The following AP1S3 variants were observed in gnomAD, a reference collection of about 807,000 sequenced individuals.
AP1S3 encodes the protein AP-1 complex subunit sigma-3.
A neutral mutation model predicts 20.9 loss-of-function variants in AP1S3; 10 were observed. The ratio of observed to expected loss-of-function variants is 0.48; its 90% CI spans 0.29 to 0.81. AP1S3 has a LOEUF of 0.81. Among genes scored for constraint, AP1S3 ranks in the 30% least tolerant of loss-of-function variants. AP1S3 has a pLI of 0.08. For synonymous variants in AP1S3, 41 were observed against 61.5 expected (o/e 0.67, Z 1.56); for missense variants, 154 against 183.8 (o/e 0.84, Z 0.94).
chr2:223,836,695 C>T (rs998871179), intron 1 of AP1S3, among the ~76,000 whole-genome samples: 1 of 152,224 alleles, frequency 6.6e-6, no homozygotes, highest in South Asian at 2.1e-4. Context: ...CACCACTGCA[C>T]TTCAGCCTGG....
At chr2:223,826,165 T>G (rs189152668) in intron 1 of AP1S3, among the ~76,000 whole-genome samples, 17 of 152,318 alleles carry the variant, frequency 1.1e-4, no homozygotes, top group Admixed American at 1.0e-3. Flanking sequence ...ATATGCTGAT[T>G]GAATTTCTCC....
chr2:223,759,270 C>T (rs1574680732), intron 4 of AP1S3, among the ~76,000 whole-genome samples: 1 of 146,166 alleles, frequency 6.8e-6, no homozygotes, highest in South Asian at 2.1e-4. Context: ...CAGAGTGAGA[C>T]TCCGTCTCAA....
Position 223,755,822 on chromosome 2 carries a change from G to A in AP1S3, c.*2893C>T, listed in dbSNP as rs1690200025. 1.0e-6 allele frequency: 1 copy of A among 985,242 alleles called. No homozygotes were observed. The highest frequency in any genetic ancestry group is 1.2e-6 in the Non-Finnish European group (1 of 829,802). The allele number at this position is 985,242 out of a possible 1,614,324, so 61.0% of individuals were successfully genotyped here. On this transcript the variant is annotated 3_prime_UTR_variant, in exon 5 of 5. Transcript: ENST00000396654. The stretch of plus-strand genomic sequence containing the variant: ...TGGGATTACAGGCGTGAGCCACCTT[G>A]CCCAGAAGAGATATATTTACTTTCT...
intron 3 of AP1S3, among the ~76,000 whole-genome samples, chr2:223,774,470 C>T (rs1278055519): frequency 2.0e-5 from 3 of 151,994 alleles, no homozygotes; most frequent in Non-Finnish European, 2.9e-5. Flanking sequence ...AAAGGTTAAA[C>T]AACAGGCTGG....
At chr2:223,788,364 G>A (rs1691124447) in intron 1 of AP1S3, among the ~76,000 whole-genome samples, 1 of 151,970 alleles carries the variant, frequency 6.6e-6, no homozygotes, top group Non-Finnish European at 1.5e-5. Context: ...TGTAATCCCA[G>A]CACTCTGGGA....
At chr2:223,806,449 A>G (rs149373913) in intron 1 of AP1S3, among the ~76,000 whole-genome samples, 2 of 151,504 alleles carry the variant, frequency 1.3e-5, no homozygotes, top group Non-Finnish European at 2.9e-5. Flanking sequence ...ACGCCCGGCT[A>G]ATTTTTTCAT....
At position 223,756,695 on chromosome 2, in the gene AP1S3, A is replaced by G. The variant is rs1690230678; in HGVS notation, c.*2020T>C. 1.0e-6 allele frequency: 1 copy of G among 985,244 alleles called. No homozygotes were observed. Among genetic ancestry groups the G allele is most frequent in the Admixed American group, 6.2e-5 (1 of 16,256 alleles). The allele number at this position is 985,244 out of a possible 1,614,324, so 61.0% of individuals were successfully genotyped here. A position where few individuals can be genotyped will look rare whatever the true frequency, so the allele number is the denominator to read the frequency against. ...GTTATTTCCTTTGAACAATGGTTAT[A>G]TTGAGGAATTGGTGAATTTTTCCCT... On this transcript the variant is annotated 3_prime_UTR_variant, in exon 5 of 5. Transcript: ENST00000396654.
At position 223,837,161 on chromosome 2, in the gene AP1S3, AGCACCGAGCCCG is replaced by A. The variant is rs533366384; in HGVS notation, c.3+275_3+286del. 1.3e-3 allele frequency among the ~76,000 whole-genome samples: 195 copies of A among 151,448 alleles called. 1 individual carries two copies. The highest frequency in any genetic ancestry group is 6.8e-3 in the Middle Eastern group (2 of 294). ...GTCCCCCGCGACATCCCCAGCGCCC[AGCACCGAGCCCG>A]GCACAGACTAAGCACTCGGCTAAGG... On this transcript the variant is annotated intron_variant, in intron 1 of 4. Coordinates refer to ENST00000396654, the MANE Select transcript of AP1S3 (RefSeq NM_001039569.2).
chr2:223,834,257 T>C (rs1157205471), intron 1 of AP1S3, among the ~76,000 whole-genome samples: 1 of 152,162 alleles, frequency 6.6e-6, no homozygotes, highest in Non-Finnish European at 1.5e-5. Context: ...TTTAAAATAA[T>C]ACGACTTGGG....
At chr2:223,784,767 G>A (rs1488466923) in intron 1 of AP1S3, among the ~76,000 whole-genome samples, 1 of 152,094 alleles carries the variant, frequency 6.6e-6, no homozygotes, top group Non-Finnish European at 1.5e-5. Flanking sequence ...GTGAGTCCGA[G>A]GTGGGAAGAT....
At chr2:223,820,374 C>T (rs1273277700) in intron 1 of AP1S3, among the ~76,000 whole-genome samples, 1 of 151,852 alleles carries the variant, frequency 6.6e-6, no homozygotes, top group East Asian at 1.9e-4. Flanking sequence ...ATATTTATTG[C>T]CAGAATATTT....
chr2:223,761,183 C>T (rs1690344688), intron 4 of AP1S3, among the ~76,000 whole-genome samples: 1 of 152,218 alleles, frequency 6.6e-6, no homozygotes. Flanking sequence ...GTTGCTCTTA[C>T]CTTCTCAAGA....
intron 4 of AP1S3, among the ~76,000 whole-genome samples, chr2:223,759,470 T>C (rs887242971): frequency 2.6e-5 from 4 of 152,214 alleles, no homozygotes; most frequent in Non-Finnish European, 4.4e-5. Flanking sequence ...GTGCAGAGCA[T>C]CTTTATTATA....
At chr2:223,833,284 A>AC (rs1692321020) in intron 1 of AP1S3, among the ~76,000 whole-genome samples, 12 of 152,240 alleles carry the variant, frequency 7.9e-5, no homozygotes, top group African/African-American at 2.9e-4. Flanking sequence ...ATACATACAT[A>AC]AACAACATAA....
rs187338146 is a variant in AP1S3 at position 223,791,232 on chromosome 2, C to A, written c.4-13363G>T. Among the ~76,000 whole-genome samples, 1,255 of 152,026 alleles carry A rather than the reference C, an allele frequency of 8.3e-3. 15 individuals carry two copies. The highest frequency in any genetic ancestry group is 0.029 in the African/African-American group (1,202 of 41,516). On this transcript the variant is annotated intron_variant, in intron 1 of 4. Coordinates refer to ENST00000396654, the MANE Select transcript of AP1S3 (RefSeq NM_001039569.2). ...GGCAGAGACACAACAACAACAACAA[C>A]AAAAACACATCAGGACAATATCCTC...
chr2:223,784,024 C>G (rs1691017426), intron 1 of AP1S3, among the ~76,000 whole-genome samples: 2 of 151,356 alleles, frequency 1.3e-5, no homozygotes, highest in Non-Finnish European at 2.9e-5. Flanking sequence ...GCCCTTTTTC[C>G]CACCTCTACA....
chr2:223,787,346 A>C (rs370075640), intron 1 of AP1S3, among the ~76,000 whole-genome samples: 3 of 152,228 alleles, frequency 2.0e-5, no homozygotes, highest in South Asian at 2.1e-4. Context: ...GATGAATACA[A>C]GAAGAAATAT....
At chr2:223,767,070 A>T (rs1690503269) in intron 3 of AP1S3, among the ~76,000 whole-genome samples, 1 of 152,076 alleles carries the variant, frequency 6.6e-6, no homozygotes, top group Admixed American at 6.6e-5. Context: ...GGGGGGCAAA[A>T]TACCTAATGT....
intron 1 of AP1S3, among the ~76,000 whole-genome samples, chr2:223,807,250 G>A (rs577815908): frequency 6.6e-6 from 1 of 152,274 alleles, no homozygotes; most frequent in African/African-American, 2.4e-5. Flanking sequence ...CTGGGTGACA[G>A]AGTAAGACCC....
Sources: gnomAD v4.1 joint callset for allele counts (sites outside exome capture counted in the v4.1 genomes callset) on GRCh38, gnomAD v4.1.1 for gene constraint, MANE v1.5 for transcripts, NCBI Gene and HGNC (gene_info 2026-07-23, HGNC 2026-07-21) for gene names.